Variants in KCNH3 observed in about 807,000 individuals in gnomAD.
KCNH3 encodes potassium voltage-gated channel subfamily H member 3.
In KCNH3, 36 loss-of-function variants were observed where a neutral mutation model predicts 95.6. That is an observed-to-expected ratio of 0.38 (90% CI 0.29 to 0.50). The LOEUF is 0.50. Among genes scored for constraint, KCNH3 ranks in the 20% least tolerant of loss-of-function variants. KCNH3 has a pLI of 0.95. For missense variants in KCNH3, 1,030 were observed against 1,484.1 expected (o/e 0.69, Z 5.03); for synonymous variants, 620 against 646.3 (o/e 0.96, Z 0.62).
chr12:49,543,545 C>A, intron 5 of KCNH3, 27 bp downstream of exon 5: 2 of 1,579,860 alleles, frequency 1.3e-6, no homozygotes, highest in South Asian at 2.2e-5. Flanking sequence ...CCTTCCGCCC[C>A]ACCCTTTGCT....
rs538668328 is a variant in KCNH3, at chr12:49,550,326, C to T, written c.1915C>T (p.Leu639=). The change falls in exon 10 of 15, where the codon CTA becomes TTA. Residue 639 remains leucine (L), a synonymous_variant. Coordinates refer to ENST00000257981, the MANE Select transcript of KCNH3 (RefSeq NM_012284.3). ...CAAGGGTGGCACCGTGCTCGCCATC[C>T]TAGGTTTGTGAGGGTGGGAGAGAGG... ...VLKGGTVLAI[L]GKGDLIGCEL... 8.1e-6 allele frequency: 13 copies of T among 1,598,996 alleles called. No individual in the cohort carries two copies. In the South Asian group the frequency reaches 1.3e-4, roughly 16 times the overall value.
intron 3 of KCNH3, 134 bp downstream of exon 3, chr12:49,541,898 C>G: frequency 1.1e-6 from 1 of 888,180 alleles, no homozygotes; most frequent in South Asian, 1.6e-5. Flanking sequence ...GCCTGAGAGG[C>G]CTGTGCTGCT....
chr12:49,552,130 A>C (rs1938284873), intron 10 of KCNH3, among the ~76,000 whole-genome samples: 1 of 152,222 alleles, frequency 6.6e-6, no homozygotes, highest in South Asian at 2.1e-4. Context: ...GAAGGGCACA[A>C]GGACAGATTT....
intron 14 of KCNH3, 21 bp from the exon 15 acceptor site, chr12:49,557,333 C>T (rs372175640): frequency 8.1e-6 from 13 of 1,610,766 alleles, no homozygotes; most frequent in African/African-American, 4.0e-5. Flanking sequence ...ATTCTGACCT[C>T]GCCTCCTCCC....
chr12:49,556,677 G>A (rs1316951286), intron 13 of KCNH3: 1 of 699,726 alleles, frequency 1.4e-6, no homozygotes, highest in Non-Finnish European at 2.6e-6. Context: ...ACGCAGCCAG[G>A]AACTGGGTTT....
chr12:49,550,033 C>T (rs1318388461), intron 9 of KCNH3, 47 bp from the exon 10 acceptor site: 2 of 1,527,098 alleles, frequency 1.3e-6, no homozygotes, highest in Admixed American at 3.5e-5. Context: ...GCCACCTCCT[C>T]TTCTGCCACT....
At position 49,543,275 on chromosome 12, in the gene KCNH3, G is replaced by C. The variant is rs199585532; in HGVS notation, c.580G>C (p.Gly194Arg). The C allele has an allele frequency of 2.7e-5, 44 of 1,613,308 alleles. No individual in the cohort carries two copies. In the Middle Eastern group the frequency reaches 6.6e-4, roughly 24 times the overall value. Residue 194 changes from glycine (G) to arginine (R), a missense_variant and splice_region_variant, in exon 5 of 15, where the codon GGG becomes CGG. By Grantham distance (125) the Gly-to-Arg change is moderately radical (BLOSUM62 -2). Around this residue, in one of 9 missense-constraint regions of KCNH3, gnomAD observed 92 missense variants for 92.7 expected, o/e 0.99. Transcript: ENST00000257981. Reference protein sequence around the residue: ...QPKGKHKLNKGVFGEKPNLPE... With the variant: ...QPKGKHKLNKRVFGEKPNLPE... ...CCTGGACCTGCCCTGCCTCACTCAG[G>C]GGGTGTTTGGGGAGAAACCAAACTT...
Position 49,547,513 on chromosome 12 carries a change from C to T in KCNH3, c.1190-1382C>T, listed in dbSNP as rs190882318. On this transcript the variant is annotated intron_variant, in intron 7 of 14. Coordinates refer to ENST00000257981, the MANE Select transcript of KCNH3 (RefSeq NM_012284.3). ...TAGCCCTAGCCCATGGCACTTGGTT[C>T]GAGCCCCCCTCCCTTCCTGCCGTGT... Among the ~76,000 whole-genome samples the T allele has an allele frequency of 7.2e-5, 11 of 152,354 alleles. No homozygotes were observed. In the East Asian group the frequency reaches 1.9e-3, roughly 27 times the overall value.
Position 49,555,908 on chromosome 12 carries a change from C to A in KCNH3, c.2425C>A (p.Leu809Met). 1.9e-6 allele frequency: 3 copies of A among 1,588,632 alleles called. No homozygotes were observed. The highest frequency in any genetic ancestry group is 1.7e-6 in the Non-Finnish European group (2 of 1,163,910). ...CCCACGGGCCCTAGAGGGGCTACGG[C>A]TGCCCCCCATGCCATGGAATGTGCC... ...APPRALEGLR[L>M]PPMPWNVPPD... The change falls in exon 12 of 15, where the codon CTG becomes ATG. Residue 809 changes from leucine to methionine, a missense_variant. Coordinates refer to ENST00000257981, the MANE Select transcript of KCNH3 (RefSeq NM_012284.3).
intron 6 of KCNH3, 24 bp downstream of exon 6, chr12:49,544,096 G>C: frequency 6.2e-7 from 1 of 1,606,564 alleles, no homozygotes; most frequent in South Asian, 1.1e-5. Context: ...GGCTGGCTGG[G>C]TGGGTGGGCT....
At position 49,548,096 on chromosome 12, in the gene KCNH3, G is replaced by A. The variant is rs59960493; in HGVS notation, c.1190-799G>A. Among the ~76,000 whole-genome samples, 37 of 40,504 alleles carry A rather than the reference G, an allele frequency of 9.1e-4. No homozygotes were observed. The African/African-American group carries it at 0.01, about 11-fold the overall frequency. 26.6% of individuals were successfully genotyped at this position (40,504 alleles called of 152,430 possible). ...GTGGCCCGGTCTAGCCTGTGACTAC[G>A]TGTGTGTGTGTGTGTGTGTGTGTGT... On this transcript the variant is annotated intron_variant, in intron 7 of 14. Coordinates refer to ENST00000257981, the MANE Select transcript of KCNH3 (RefSeq NM_012284.3).
Position 49,556,410 on chromosome 12 carries a change from CCCAAGTTCT to C in KCNH3, c.2511_2519del (p.Lys838_Ser840del). ...TGAAGACGGCTGTGGCTCGGACCAG[CCCAAGTTCT>C]CTTTCCGCGTGGGCCAGTCTGGCCC... On this transcript the variant is annotated inframe_deletion, in exon 13 of 15. Transcript: ENST00000257981. 2 of 1,614,048 alleles carry C rather than the reference CCCAAGTTCT, an allele frequency of 1.2e-6. No individual in the cohort carries two copies. The highest frequency in any genetic ancestry group is 2.2e-5 in the South Asian group (2 of 91,082).
chr12:49,555,912 C>T lies in KCNH3; in HGVS notation c.2429C>T (p.Pro810Leu). Residue 810 changes from proline (P) to leucine (L), a missense_variant, in exon 12 of 15, where the codon CCC (proline) becomes CTC (leucine). Physicochemically the swap from Pro to Leu is moderately conservative, Grantham distance 98. Coordinates refer to ENST00000257981, the MANE Select transcript of KCNH3 (RefSeq NM_012284.3). ...CGGGCCCTAGAGGGGCTACGGCTGC[C>T]CCCCATGCCATGGAATGTGCCCCCA... ...PPRALEGLRL[P>L]PMPWNVPPDL... is the part of the protein sequence containing the mutation. 1 of 1,583,742 alleles carries T rather than the reference C, an allele frequency of 6.3e-7. No homozygotes were observed. Among genetic ancestry groups the T allele is most frequent in the East Asian group, 2.3e-5 (1 of 44,400 alleles).
At chr12:49,556,561 A>C (rs1938453645) in intron 13 of KCNH3, 85 bp downstream of exon 13, 1 of 969,746 alleles carries the variant, frequency 1.0e-6, no homozygotes, top group African/African-American at 1.6e-5. Context: ...CTGAGCCTTC[A>C]ATGTTAGAGA....
At position 49,550,298 on chromosome 12, in the gene KCNH3, G is replaced by A; in HGVS notation, c.1887G>A (p.Val629=). ...TTGTCTGCTCTGGCTCCATGGAGGTGCTCAAGGGTGGCACCGTGCTCGCCA... is the reference window on the plus strand; with the variant it reads ...TTGTCTGCTCTGGCTCCATGGAGGTACTCAAGGGTGGCACCGTGCTCGCCA... ...LYFVCSGSME[V]LKGGTVLAIL... is the part of the protein sequence containing the mutation. Residue 629 remains valine (V), a synonymous_variant, in exon 10 of 15, where the codon GTG becomes GTA. Transcript: ENST00000257981. 6.2e-7 allele frequency: 1 copy of A among 1,608,366 alleles called. No homozygotes were observed.
chr12:49,556,279 T>G, intron 12 of KCNH3, 91 bp from the exon 13 acceptor site: 1 of 916,936 alleles, frequency 1.1e-6, no homozygotes, highest in Non-Finnish European at 1.8e-6. Flanking sequence ...TCCTGCAGCC[T>G]GTGTGTGTGG....
At chr12:49,556,677 G>GA (rs1212420186) in intron 13 of KCNH3, 1 of 699,726 alleles carries the variant, frequency 1.4e-6, no homozygotes, top group African/African-American at 1.7e-5. Flanking sequence ...ACGCAGCCAG[G>GA]AACTGGGTTT....
Position 49,544,368 on chromosome 12 carries a change from A to C in KCNH3, c.1175A>C (p.Glu392Ala). 6.2e-7 allele frequency: 1 copy of C among 1,613,198 alleles called. No homozygotes were observed. Among genetic ancestry groups the C allele is most frequent in the South Asian group, 1.1e-5 (1 of 91,064 alleles). The change falls in exon 7 of 15, where the codon GAG becomes GCG. Residue 392 changes from glutamate (E) to alanine (A), a missense_variant. Glu to Ala is a moderately radical substitution (Grantham distance 107). Transcript: ENST00000257981. ...GQREIESSES[E>A]LPEIGWLQEL... ...CGGGAGATCGAGAGCAGCGAATCCG[A>C]GCTGCCTGAGATTGGTACTGGAGGC...
Position 49,544,322 on chromosome 12 carries a change from G to T in KCNH3, c.1129G>T (p.Val377Phe). ...FALLAHWVAC[V>F]WFYIGQREIE... is the part of the protein sequence containing the mutation. ...CCTGCTCGCGCACTGGGTCGCCTGC[G>T]TCTGGTTTTACATTGGCCAGCGGGA... is the stretch of plus-strand genomic sequence containing the variant. Residue 377 changes from valine (V) to phenylalanine (F), a missense_variant, in exon 7 of 15, where the codon GTC becomes TTC. Val to Phe is a conservative substitution (Grantham distance 50). Around this residue, in one of 9 missense-constraint regions of KCNH3, gnomAD observed 153 missense variants for 288.5 expected, o/e 0.53. Transcript: ENST00000257981. The T allele has an allele frequency of 6.2e-7, 1 of 1,613,588 alleles. No individual in the cohort carries two copies. The highest frequency in any genetic ancestry group is 8.5e-7 in the Non-Finnish European group (1 of 1,180,030).
Sources: allele counts gnomAD v4.1 joint callset (sites outside exome capture counted in the v4.1 genomes callset), GRCh38; gene constraint gnomAD v4.1.1; regional missense constraint gnomAD v4.1.1; transcripts MANE v1.5; gene names NCBI Gene and HGNC (gene_info 2026-07-23, HGNC 2026-07-21).